Variants in CNBD1 observed in about 807,000 individuals in gnomAD.
CNBD1 encodes the protein cyclic nucleotide binding domain containing 1.
In CNBD1, 71 loss-of-function variants were observed where a neutral mutation model predicts 54.4. The observed-to-expected ratio is 1.30, with a 90% CI of 1.08 to 1.59. CNBD1 has a LOEUF of 1.59. Ranked by LOEUF, CNBD1 falls within the 40% of genes most tolerant of loss-of-function variation. The pLI is 0.00. For synonymous variants in CNBD1, 182 were observed against 170.7 expected, an observed-to-expected ratio of 1.07 and a Z score of -0.51; for missense variants, 659 against 518.0, an observed-to-expected ratio of 1.27 and a Z score of -2.64.
At chr8:86,890,533 G>A (rs1288530608) in intron 2 of CNBD1, among the ~76,000 whole-genome samples, 1 of 152,120 alleles carries the variant, frequency 6.6e-6, no homozygotes, top group African/African-American at 2.4e-5. Flanking sequence ...TGTGAACAGT[G>A]CTGCCATAAA....
intron 8 of CNBD1, among the ~76,000 whole-genome samples, chr8:87,287,346 T>C (rs1236994391): frequency 1.3e-5 from 2 of 152,152 alleles, no homozygotes; most frequent in Non-Finnish European, 2.9e-5. Flanking sequence ...TTTAGGTCTC[T>C]TTTGGTAAGG....
intron 10 of CNBD1, among the ~76,000 whole-genome samples, chr8:87,377,250 C>T (rs1205854516): frequency 6.6e-6 from 1 of 151,060 alleles, no homozygotes; most frequent in Non-Finnish European, 1.5e-5. Flanking sequence ...GCGCTGCACC[C>T]ACTAACTCAT....
chr8:86,956,102 G>T (rs951647014), intron 4 of CNBD1, among the ~76,000 whole-genome samples: 7 of 152,088 alleles, frequency 4.6e-5, no homozygotes, highest in Admixed American at 1.3e-4. Context: ...TTTCCCCATT[G>T]CTTGTTTTTC....
At chr8:87,177,477 T>G (rs542611690) in intron 4 of CNBD1, among the ~76,000 whole-genome samples, 1 of 152,340 alleles carries the variant, frequency 6.6e-6, no homozygotes, top group African/African-American at 2.4e-5. Flanking sequence ...TGAAGTTTTT[T>G]TATTAGCACA....
rs942373324 is a variant in CNBD1, at chr8:86,951,864, G to A, written c.431+12110G>A. On this transcript the variant is annotated intron_variant, in intron 4 of 10. Transcript: ENST00000518476. ...CCAAAGGGAAAAATCAAGCTGGGAA[G>A]TACTTAGGGCAAACCTGCTCCACTG... 3.3e-5 allele frequency among the ~76,000 whole-genome samples: 5 copies of A among 151,966 alleles called. No individual in the cohort carries two copies. In the South Asian group the frequency reaches 6.2e-4, roughly 19 times the overall value.
chr8:87,130,593 A>G (rs952400911), intron 4 of CNBD1, among the ~76,000 whole-genome samples: 2 of 152,042 alleles, frequency 1.3e-5, no homozygotes, highest in Non-Finnish European at 2.9e-5. Flanking sequence ...CTTGGGCAAC[A>G]TGGTGAGACA....
intron 4 of CNBD1, among the ~76,000 whole-genome samples, chr8:87,170,384 C>T (rs1586304352): frequency 6.6e-6 from 1 of 152,102 alleles, no homozygotes; most frequent in Admixed American, 6.6e-5. Flanking sequence ...TTGACTTCTT[C>T]CTTTTCAATT....
In CNBD1 at chr8:86,915,009, C is replaced by T. The variant is rs188115910; in HGVS notation, c.272+9815C>T. Among the ~76,000 whole-genome samples, 230 of 152,264 alleles carry T rather than the reference C, an allele frequency of 1.5e-3. No homozygotes were observed. In the Middle Eastern group the frequency reaches 0.017, roughly 11 times the overall value. On this transcript the variant is annotated intron_variant, in intron 3 of 10. Transcript: ENST00000518476. ...AAATTGCAGTAGAGAGTTTAATACA[C>T]GCAGAGCCACCTGAACAGGGAACCA...
chr8:87,268,465 C>T lies in CNBD1; in HGVS notation c.772-16213C>T, dbSNP rs111789384. ...TAATTTATTTTCCTTTGGGTATATA[C>T]CCAGTAGTGGGATGGTTGGGTTGAA... On this transcript the variant is annotated intron_variant, in intron 6 of 10. Coordinates refer to ENST00000518476, the MANE Select transcript of CNBD1 (RefSeq NM_173538.3). 2.3e-3 allele frequency among the ~76,000 whole-genome samples: 353 copies of T among 152,046 alleles called. 4 individuals carry two copies. The highest frequency in any genetic ancestry group is 8.2e-3 in the African/African-American group (341 of 41,522).
chr8:87,315,112 A>G (rs1809355891), intron 8 of CNBD1, among the ~76,000 whole-genome samples: 1 of 151,292 alleles, frequency 6.6e-6, no homozygotes, highest in Non-Finnish European at 1.5e-5. Context: ...AGATTAATTG[A>G]AGAACTAAGT....
intron 8 of CNBD1, among the ~76,000 whole-genome samples, chr8:87,315,734 G>C (rs1809372596): frequency 6.6e-6 from 1 of 152,012 alleles, no homozygotes. Context: ...TGGGAATGTA[G>C]GTTGGTTAAT....
chr8:87,285,645 C>A (rs1028528136), intron 7 of CNBD1, among the ~76,000 whole-genome samples: 1 of 151,672 alleles, frequency 6.6e-6, no homozygotes, highest in African/African-American at 2.4e-5. Flanking sequence ...CCAAGGCAGG[C>A]AGATCAGCTG....
At chr8:87,428,378 G>T (rs1168924676) in intron 2 of CNBD1, among the ~76,000 whole-genome samples, 1 of 152,106 alleles carries the variant, frequency 6.6e-6, no homozygotes, top group African/African-American at 2.4e-5. Context: ...TTATGGGTTG[G>T]TCTGGTTGTC....
At chr8:86,939,423 T>C (rs969703213) in intron 3 of CNBD1, among the ~76,000 whole-genome samples, 173 bp from the exon 4 acceptor site, 4 of 152,176 alleles carry the variant, frequency 2.6e-5, no homozygotes, top group African/African-American at 9.7e-5. Flanking sequence ...GAATGACATA[T>C]ATAACTGTAC....
At chr8:87,019,451 T>A (rs554887047) in intron 4 of CNBD1, among the ~76,000 whole-genome samples, 16 of 152,210 alleles carry the variant, frequency 1.1e-4, no homozygotes, top group Non-Finnish European at 1.8e-4. Context: ...AATACAAAAG[T>A]GGGGAGAAAA....
At chr8:87,059,322 A>C (rs1810494030) in intron 4 of CNBD1, among the ~76,000 whole-genome samples, 1 of 152,140 alleles carries the variant, frequency 6.6e-6, no homozygotes, top group African/African-American at 2.4e-5. Context: ...GAGCCCTCTA[A>C]ACTATTTCAA....
chr8:87,385,870 T>C (rs1057431199), downstream of CNBD1, among the ~76,000 whole-genome samples: 54 of 152,012 alleles, frequency 3.6e-4, no homozygotes, highest in Admixed American at 1.6e-3. Context: ...CAACACCCAG[T>C]AGGGTCAGAC....
At chr8:86,981,422 T>C (rs1002538385) in intron 4 of CNBD1, among the ~76,000 whole-genome samples, 2 of 152,224 alleles carry the variant, frequency 1.3e-5, no homozygotes, top group Admixed American at 1.3e-4. Flanking sequence ...AATTCTCTTA[T>C]TACCCAGATT....
chr8:87,019,055 A>G (rs565849325), intron 4 of CNBD1, among the ~76,000 whole-genome samples: 2 of 152,214 alleles, frequency 1.3e-5, no homozygotes. Context: ...ACTCCCAATT[A>G]TGAGTTGTAA....
Sources: gnomAD v4.1 joint callset for allele counts (sites outside exome capture counted in the v4.1 genomes callset) on GRCh38, gnomAD v4.1.1 for gene constraint, MANE v1.5 for transcripts, NCBI Gene and HGNC (gene_info 2026-07-23, HGNC 2026-07-21) for gene names.